Variants in ITGA1 observed in about 807,000 individuals in gnomAD.
ITGA1 encodes the protein integrin subunit alpha 1, also known as integrin alpha-1.
Under a neutral mutation model 145.9 loss-of-function variants are expected in ITGA1, and 85 were observed. The observed-to-expected ratio is 0.58, with a 90% confidence interval of 0.49 to 0.70. The LOEUF (loss-of-function observed/expected upper bound fraction) is 0.70. Among genes scored for constraint, ITGA1 ranks in the 30% least tolerant of loss-of-function variants. The pLI is 0.00. For synonymous variants in ITGA1, 520 were observed against 495.3 expected (o/e 1.05, Z -0.66); for missense variants, 1,351 against 1,418.7 (o/e 0.95, Z 0.77).
In ITGA1 at chr5:52,898,534, G is replaced by T. The variant is rs558045146; in HGVS notation, c.1309+151G>T. Reference sequence around the variant, plus strand: ...TTCCAGAACCCATGCAAAGTTTTAGGCCTCTGAGCAGCTTTAGTTAGTCAA... The same window carrying T: ...TTCCAGAACCCATGCAAAGTTTTAGTCCTCTGAGCAGCTTTAGTTAGTCAA... On this transcript the variant is annotated intron_variant, in intron 11 of 28. Transcript: ENST00000282588. 1.0e-5 allele frequency: 7 copies of T among 684,732 alleles called. No homozygotes were observed. The African/African-American group carries it at 1.3e-4, about 12-fold the overall frequency. 42.4% of individuals were successfully genotyped at this position (684,732 alleles called of 1,614,324 possible).
At chr5:52,930,784 T>C (rs1202730053) in intron 21 of ITGA1, among the ~76,000 whole-genome samples, 3 of 152,134 alleles carry the variant, frequency 2.0e-5, no homozygotes, top group African/African-American at 7.2e-5. Flanking sequence ...ATACATAAAG[T>C]AGCAATGAAA....
At chr5:52,941,688 A>G (rs1231839556) in intron 26 of ITGA1, among the ~76,000 whole-genome samples, 2 of 152,198 alleles carry the variant, frequency 1.3e-5, no homozygotes, top group Admixed American at 1.3e-4. Context: ...CCTTTGTCAG[A>G]TGCATAGTTT....
chr5:52,849,326 G>C (rs1317617049), intron 1 of ITGA1, 39 bp from the exon 2 acceptor site: 2 of 1,557,424 alleles, frequency 1.3e-6, no homozygotes, highest in Non-Finnish European at 1.8e-6. Context: ...TGGACTCTTA[G>C]TTAACTCTAT....
At chr5:52,833,179 G>A (rs1454965139) in intron 1 of ITGA1, among the ~76,000 whole-genome samples, 2 of 145,562 alleles carry the variant, frequency 1.4e-5, no homozygotes, top group African/African-American at 2.5e-5. Flanking sequence ...GTGACGGACC[G>A]AGACTCTGTC....
At chr5:52,903,403 A>T (rs1330294720) in intron 11 of ITGA1, 2 of 152,202 alleles carry the variant, frequency 1.3e-5, no homozygotes, top group African/African-American at 4.8e-5. Flanking sequence ...TAATACAAAC[A>T]TGTAACACAT....
At chr5:52,793,315 T>G (rs951986541) in intron 1 of ITGA1, among the ~76,000 whole-genome samples, 1 of 152,106 alleles carries the variant, frequency 6.6e-6, no homozygotes, top group African/African-American at 2.4e-5. Context: ...CAGAAAATAC[T>G]TAAGGGATCA....
intron 22 of ITGA1, chr5:52,933,386 T>G (rs1305645423): frequency 6.6e-6 from 1 of 152,044 alleles, no homozygotes; most frequent in Non-Finnish European, 1.5e-5. Context: ...ATAAATATTT[T>G]TTGTCTTCCC....
chr5:52,928,438 G>A (rs1041675897), intron 20 of ITGA1, among the ~76,000 whole-genome samples: 2 of 152,080 alleles, frequency 1.3e-5, no homozygotes, highest in African/African-American at 4.8e-5. Context: ...TATAATTCAC[G>A]TAGCATGGAG....
chr5:52,919,789 G>A (rs1579720609), intron 16 of ITGA1, among the ~76,000 whole-genome samples: 1 of 152,024 alleles, frequency 6.6e-6, no homozygotes. Context: ...CATATACAGT[G>A]TAAGATTTCA....
chr5:52,861,275 A>G lies in ITGA1; in HGVS notation c.183-172A>G, dbSNP rs186185154. 8.9e-4 allele frequency among the ~76,000 whole-genome samples: 136 copies of G among 152,270 alleles called. 1 individual carries two copies. Among genetic ancestry groups the G allele is most frequent in the African/African-American group, 3.1e-3 (127 of 41,564 alleles). The stretch of plus-strand genomic sequence containing the variant: ...TATATATACTTTTTAATCCACATCA[A>G]TATGCAAGAGGTAGGCTCTCTGCTT... On this transcript the variant is annotated intron_variant, in intron 2 of 28. Transcript: ENST00000282588.
intron 6 of ITGA1, among the ~76,000 whole-genome samples, chr5:52,869,360 C>T (rs1372344656): frequency 6.6e-6 from 1 of 152,090 alleles, no homozygotes; most frequent in Non-Finnish European, 1.5e-5. Context: ...AGGGTTTCGC[C>T]ATGTTGGCCA....
Position 52,925,420 on chromosome 5 carries a change from A to T in ITGA1, c.2546A>T (p.Lys849Met), listed in dbSNP as rs1358146911. The change falls in exon 19 of 29, where the codon AAG becomes ATG. Residue 849 changes from lysine to methionine, a missense_variant. By Grantham distance (95) the Lys-to-Met change is moderately conservative (BLOSUM62 -1). Coordinates refer to ENST00000282588, the MANE Select transcript of ITGA1 (RefSeq NM_181501.2). The stretch of plus-strand genomic sequence containing the variant: ...GTTAGCCTCACAGTCAAAAATACAA[A>T]GGACAGTGCCTATAACACCAGGACA... ...FNVSLTVKNT[K>M]DSAYNTRTIV... 6.2e-7 allele frequency: 1 copy of T among 1,614,108 alleles called. No homozygotes were observed. The highest frequency in any genetic ancestry group is 1.1e-5 in the South Asian group (1 of 91,082).
At chr5:52,811,032 C>T (rs1991004) in intron 1 of ITGA1, among the ~76,000 whole-genome samples, 138,036 of 152,292 alleles carry the variant, frequency 0.91, 62,631 homozygotes, top group Middle Eastern at 0.93. Context: ...GCTTTCACAT[C>T]TGTATGAAAT....
chr5:52,938,438 T>C (rs1285524239), intron 24 of ITGA1, among the ~76,000 whole-genome samples: 1 of 152,222 alleles, frequency 6.6e-6, no homozygotes, highest in African/African-American at 2.4e-5. Flanking sequence ...CATGCATTTT[T>C]TAAAGTGTTC....
intron 26 of ITGA1, among the ~76,000 whole-genome samples, chr5:52,944,525 G>T (rs932904978): frequency 1.3e-5 from 2 of 152,038 alleles, no homozygotes; most frequent in African/African-American, 4.8e-5. Context: ...CTCTTAGTGG[G>T]AGAGATGGCT....
chr5:52,837,824 C>T (rs1435536554), intron 1 of ITGA1, among the ~76,000 whole-genome samples: 2 of 151,822 alleles, frequency 1.3e-5, no homozygotes, highest in Non-Finnish European at 2.9e-5. Flanking sequence ...GTCTTAGCAA[C>T]AGCAATTATA....
intron 14 of ITGA1, among the ~76,000 whole-genome samples, chr5:52,913,226 T>C (rs1043228449): frequency 6.6e-6 from 1 of 152,176 alleles, no homozygotes; most frequent in Non-Finnish European, 1.5e-5. Flanking sequence ...AGGGCACTGC[T>C]TTCTGAATAA....
intron 1 of ITGA1, among the ~76,000 whole-genome samples, chr5:52,819,591 GTAGGTTGCC>G (rs1748834865): frequency 6.6e-6 from 1 of 152,306 alleles, no homozygotes; most frequent in African/African-American, 2.4e-5. Flanking sequence ...CTCCCATTCT[GTAGGTTGCC>G]TATTCACTCT....
intron 24 of ITGA1, among the ~76,000 whole-genome samples, chr5:52,938,424 T>C (rs1035512307): frequency 6.6e-6 from 1 of 152,178 alleles, no homozygotes; most frequent in Non-Finnish European, 1.5e-5. Flanking sequence ...GAAATCTGTC[T>C]TTTCATGCAT....
Sources: gnomAD v4.1 joint callset for allele counts (sites outside exome capture counted in the v4.1 genomes callset) on GRCh38, gnomAD v4.1.1 for gene constraint, MANE v1.5 for transcripts, NCBI Gene and HGNC (gene_info 2026-07-23, HGNC 2026-07-21) for gene names.